PLXNA4: variants seen among roughly 807,000 people sequenced by gnomAD.
PLXNA4 encodes plexin-A4.
A neutral mutation model predicts 191.8 loss-of-function variants in PLXNA4; 44 were observed. That is an observed-to-expected ratio of 0.23 (90% CI 0.18 to 0.29). The LOEUF is 0.29. Ranked by LOEUF, PLXNA4 falls within the 10% of genes least tolerant of loss-of-function variation. The pLI, the probability that PLXNA4 is intolerant of heterozygous loss-of-function variation, is 1.00. For synonymous variants in PLXNA4, 1,082 were observed against 1,009.5 expected (o/e 1.07, Z -1.36); for missense variants, 1,800 against 2,488.8 (o/e 0.72, Z 5.89).
chr7:132,153,847 A>C (rs1445090379), intron 25 of PLXNA4, among the ~76,000 whole-genome samples: 1 of 152,166 alleles, frequency 6.6e-6, no homozygotes, highest in Non-Finnish European at 1.5e-5. Context: ...ACACATGTGC[A>C]CATGCACCTT....
intron 4 of PLXNA4, among the ~76,000 whole-genome samples, chr7:132,253,171 A>G (rs1443735073): frequency 2.6e-5 from 4 of 152,098 alleles, no homozygotes; most frequent in Non-Finnish European, 5.9e-5. Context: ...AGTCTTTTAA[A>G]CTAAATTAAC....
chr7:132,545,773 A>T (rs925050467), intron 1 of PLXNA4, among the ~76,000 whole-genome samples: 2 of 152,250 alleles, frequency 1.3e-5, no homozygotes, highest in Non-Finnish European at 2.9e-5. Flanking sequence ...GAGGAGGCTA[A>T]GAAAAACCAG....
chr7:132,575,789 A>C (rs1358183213), intron 1 of PLXNA4, among the ~76,000 whole-genome samples: 1 of 152,194 alleles, frequency 6.6e-6, no homozygotes, highest in Non-Finnish European at 1.5e-5. Flanking sequence ...ACGCTTCAGA[A>C]AGGCGTTTGT....
chr7:132,345,751 C>T (rs896952228), intron 3 of PLXNA4, among the ~76,000 whole-genome samples: 1 of 152,210 alleles, frequency 6.6e-6, no homozygotes, highest in African/African-American at 2.4e-5. Context: ...GCAGAACAGT[C>T]CCAGCCTCAC....
chr7:132,202,565 G>C, intron 12 of PLXNA4, 81 bp downstream of exon 12: 1 of 1,345,716 alleles, frequency 7.4e-7, no homozygotes, highest in Non-Finnish European at 9.6e-7. Context: ...CCGACACCAC[G>C]GCTGGGCAGA....
intron 3 of PLXNA4, among the ~76,000 whole-genome samples, chr7:132,406,512 A>G (rs1224029016): frequency 6.6e-6 from 1 of 152,212 alleles, no homozygotes; most frequent in African/African-American, 2.4e-5. Flanking sequence ...CACATGAATG[A>G]AAAGAATAGG....
intron 24 of PLXNA4, among the ~76,000 whole-genome samples, chr7:132,162,794 G>T (rs892365922): frequency 6.6e-6 from 1 of 152,084 alleles, no homozygotes; most frequent in Non-Finnish European, 1.5e-5. Context: ...CGTCTACTGG[G>T]ATTCCCGGGG....
At chr7:132,365,226 T>C (rs1045707459) in intron 3 of PLXNA4, among the ~76,000 whole-genome samples, 1 of 152,090 alleles carries the variant, frequency 6.6e-6, no homozygotes, top group African/African-American at 2.4e-5. Context: ...CAGCAGTGAG[T>C]CCATAAAAAG....
At chr7:132,590,658 T>C (rs920134014) in intron 2 of PLXNA4, among the ~76,000 whole-genome samples, 3 of 152,184 alleles carry the variant, frequency 2.0e-5, no homozygotes, top group African/African-American at 7.2e-5. Context: ...CTTTATATTC[T>C]GGCTGTGCTG....
chr7:132,330,327 G>A (rs891683204), intron 3 of PLXNA4, among the ~76,000 whole-genome samples: 8 of 152,182 alleles, frequency 5.3e-5, no homozygotes, highest in African/African-American at 1.9e-4. Flanking sequence ...GACACCAGCA[G>A]TGACCTAATC....
chr7:132,588,050 T>C (rs2116822042), intron 2 of PLXNA4, among the ~76,000 whole-genome samples: 1 of 152,090 alleles, frequency 6.6e-6, no homozygotes, highest in African/African-American at 2.4e-5. Flanking sequence ...TCCATTTCTC[T>C]CTTCCTACTC....
At chr7:132,318,656 C>T (rs1378048149) in intron 3 of PLXNA4, among the ~76,000 whole-genome samples, 1 of 138,336 alleles carries the variant, frequency 7.2e-6, no homozygotes, top group Non-Finnish European at 1.5e-5. Flanking sequence ...TCATCACGCA[C>T]TTTGCTTTTT....
At chr7:132,159,372 C>A (rs1468242046) in intron 25 of PLXNA4, 101 bp downstream of exon 25, 1 of 1,526,746 alleles carries the variant, frequency 6.5e-7, no homozygotes, top group Non-Finnish European at 8.8e-7. Flanking sequence ...GTGATTATTC[C>A]CCTCAGATCT....
chr7:132,448,565 A>C (rs939678342), intron 3 of PLXNA4, among the ~76,000 whole-genome samples: 2 of 152,198 alleles, frequency 1.3e-5, no homozygotes, highest in Non-Finnish European at 2.9e-5. Flanking sequence ...GGGAAACCAC[A>C]TTCTTTAGTA....
chr7:132,647,816 A>G (rs1803909269), intron 1 of PLXNA4, among the ~76,000 whole-genome samples: 1 of 151,790 alleles, frequency 6.6e-6, no homozygotes, highest in South Asian at 2.1e-4. Context: ...ACACATACAC[A>G]TACACTCAAA....
intron 4 of PLXNA4, among the ~76,000 whole-genome samples, chr7:132,261,866 C>T (rs1337416784): frequency 1.3e-5 from 2 of 152,202 alleles, no homozygotes; most frequent in Non-Finnish European, 2.9e-5. Context: ...CAACAGTATA[C>T]TGTGGCTCTG....
intron 3 of PLXNA4, among the ~76,000 whole-genome samples, chr7:132,375,282 GC>G (rs67189242): frequency 0.43 from 61,967 of 142,562 alleles, 14,417 homozygotes; most frequent in African/African-American, 0.65. Flanking sequence ...ACTCCATCCC[GC>G]CCCCCCCCAC....
chr7:132,608,824 C>G (rs543629509), intron 2 of PLXNA4, among the ~76,000 whole-genome samples: 1 of 152,316 alleles, frequency 6.6e-6, no homozygotes, highest in African/African-American at 2.4e-5. Flanking sequence ...ACTCCACTGA[C>G]TAAAAACTCT....
In PLXNA4 at chr7:132,127,318, C is replaced by CTT. The variant is rs1435059465; in HGVS notation, c.*3159_*3160dup. 3 of 152,136 alleles carry CTT rather than the reference C, an allele frequency of 2.0e-5. No homozygotes were observed. The highest frequency in any genetic ancestry group is 7.2e-5 in the African/African-American group (3 of 41,414). The allele number at this position is 152,136 out of a possible 1,614,324, so 9.4% of individuals were successfully genotyped here. A position where few individuals can be genotyped will look rare whatever the true frequency, so the allele number is the denominator to read the frequency against. On this transcript the variant is annotated 3_prime_UTR_variant, in exon 32 of 32. Coordinates refer to ENST00000321063, the MANE Select transcript of PLXNA4 (RefSeq NM_020911.2). The stretch of plus-strand genomic sequence containing the variant: ...ACATAATGGTGACCCTACAAATTAA[C>CTT]TTTGCCTCGAGGGAGGCCGTGAAGG...
Sources: gnomAD v4.1 joint callset for allele counts (sites outside exome capture counted in the v4.1 genomes callset) on GRCh38, gnomAD v4.1.1 for gene constraint, MANE v1.5 for transcripts, NCBI Gene and HGNC (gene_info 2026-07-23, HGNC 2026-07-21) for gene names.